EPHA3: variants seen among roughly 807,000 people sequenced by gnomAD.
The protein encoded by EPHA3 is ephrin type-A receptor 3.
In EPHA3, 42 loss-of-function variants were observed where a neutral mutation model predicts 107.1. The ratio of observed to expected loss-of-function variants is 0.39; its 90% CI spans 0.31 to 0.51. The LOEUF is 0.51. EPHA3 is among the 20% of genes least tolerant of loss of function. EPHA3 has a pLI of 0.78. For synonymous variants in EPHA3, 461 were observed against 424.8 expected (o/e 1.09, Z -1.05); for missense variants, 1,183 against 1,211.2 (o/e 0.98, Z 0.35).
chr3:89,355,835 A>G (rs992325925), intron 5 of EPHA3, among the ~76,000 whole-genome samples: 6 of 147,958 alleles, frequency 4.1e-5, no homozygotes, highest in African/African-American at 1.5e-4. Flanking sequence ...TATATTTTTT[A>G]TTTTATTATT....
chr3:89,317,387 C>A (rs1338908172), intron 3 of EPHA3, among the ~76,000 whole-genome samples: 1 of 151,704 alleles, frequency 6.6e-6, no homozygotes, highest in Non-Finnish European at 1.5e-5. Flanking sequence ...TGGCCCTGCA[C>A]TGCCAATAGG....
intron 3 of EPHA3, among the ~76,000 whole-genome samples, chr3:89,290,103 G>A (rs1706177003): frequency 6.6e-6 from 1 of 152,238 alleles, no homozygotes. Context: ...TTGTTGGACG[G>A]TTCTTCTGTT....
At chr3:89,242,348 AAGT>A (rs1704917776) in intron 3 of EPHA3, among the ~76,000 whole-genome samples, 1 of 152,234 alleles carries the variant, frequency 6.6e-6, no homozygotes, top group South Asian at 2.1e-4. Flanking sequence ...GAATGACTGT[AAGT>A]TTCAGTGTGA....
At chr3:89,340,575 A>C (rs1012377875) in intron 3 of EPHA3, among the ~76,000 whole-genome samples, 4 of 152,336 alleles carry the variant, frequency 2.6e-5, no homozygotes, top group African/African-American at 7.2e-5. Context: ...ATGTTTTAAA[A>C]AGGGAATTAC....
intron 3 of EPHA3, among the ~76,000 whole-genome samples, chr3:89,327,854 T>C (rs1707200916): frequency 6.6e-6 from 1 of 152,014 alleles, no homozygotes; most frequent in South Asian, 2.1e-4. Flanking sequence ...CTCAAAGAAC[T>C]TGGGAGGCTG....
chr3:89,173,338 C>T (rs2107102379), intron 2 of EPHA3, among the ~76,000 whole-genome samples: 1 of 152,124 alleles, frequency 6.6e-6, no homozygotes, highest in African/African-American at 2.4e-5. Flanking sequence ...GCCAAAAATG[C>T]ATTTTATATA....
At chr3:89,466,505 C>A (rs1434629423) in intron 15 of EPHA3, among the ~76,000 whole-genome samples, 1 of 133,846 alleles carries the variant, frequency 7.5e-6, no homozygotes, top group African/African-American at 2.9e-5. Context: ...TAGGACCCTC[C>A]GAGCCAGGTG....
chr3:89,477,983 A>C (rs566971123), intron 16 of EPHA3, among the ~76,000 whole-genome samples: 1 of 152,318 alleles, frequency 6.6e-6, no homozygotes, highest in South Asian at 2.1e-4. Context: ...GAAAGTGCAG[A>C]TACAAGTACA....
chr3:89,394,042 T>C (rs529553292), intron 5 of EPHA3, among the ~76,000 whole-genome samples: 156 of 152,286 alleles, frequency 1.0e-3, no homozygotes, highest in Middle Eastern at 6.8e-3. Context: ...TAATTCCTAA[T>C]GGGAGCAAAA....
At chr3:89,332,678 G>A in intron 3 of EPHA3, among the ~76,000 whole-genome samples, 1 of 152,108 alleles carries the variant, frequency 6.6e-6, no homozygotes, top group African/African-American at 2.4e-5. Flanking sequence ...ACCTTGTACA[G>A]GCAAATAGAC....
intron 15 of EPHA3, among the ~76,000 whole-genome samples, chr3:89,455,623 C>T (rs904169230): frequency 2.0e-5 from 3 of 152,170 alleles, no homozygotes; most frequent in Non-Finnish European, 4.4e-5. Flanking sequence ...GTCATTTTAA[C>T]CTTTCGACTT....
At chr3:89,249,157 T>G (rs553762208) in intron 3 of EPHA3, among the ~76,000 whole-genome samples, 31 of 152,296 alleles carry the variant, frequency 2.0e-4, no homozygotes, top group African/African-American at 7.2e-4. Context: ...CCTATTGCCT[T>G]TGCCATGGAG....
intron 3 of EPHA3, among the ~76,000 whole-genome samples, chr3:89,265,056 T>C (rs1440798055): frequency 6.6e-6 from 1 of 152,174 alleles, no homozygotes; most frequent in South Asian, 2.1e-4. Context: ...TTTTAACATA[T>C]CCTTTGGAAA....
chr3:89,215,316 T>C (rs957671751), intron 3 of EPHA3, among the ~76,000 whole-genome samples: 3 of 151,898 alleles, frequency 2.0e-5, no homozygotes, highest in African/African-American at 7.2e-5. Flanking sequence ...ATCTAAAAAG[T>C]AGTTAAAGTA....
intron 2 of EPHA3, among the ~76,000 whole-genome samples, chr3:89,156,409 T>C (rs1704807466): frequency 6.6e-6 from 1 of 152,102 alleles, no homozygotes. Context: ...GCTCTTATTT[T>C]TAACTGCTCT....
chr3:89,246,071 A>G (rs1452695605), intron 3 of EPHA3, among the ~76,000 whole-genome samples: 2 of 152,122 alleles, frequency 1.3e-5, no homozygotes, highest in Non-Finnish European at 2.9e-5. Context: ...CGCTCAATTT[A>G]AACAATAGGA....
chr3:89,291,656 G>T (rs933539131), intron 3 of EPHA3, among the ~76,000 whole-genome samples: 3 of 152,124 alleles, frequency 2.0e-5, no homozygotes, highest in Admixed American at 6.6e-5. Flanking sequence ...TAAAACTGAA[G>T]ACTTACTATT....
At chr3:89,207,520 C>CT (rs1301223106) in intron 2 of EPHA3, among the ~76,000 whole-genome samples, 3 of 151,910 alleles carry the variant, frequency 2.0e-5, no homozygotes, top group Non-Finnish European at 4.4e-5. Flanking sequence ...ATTTTTTATT[C>CT]TTTTTTTAAA....
chr3:89,362,740 G>C (rs1559665021), intron 5 of EPHA3, among the ~76,000 whole-genome samples: 1 of 150,942 alleles, frequency 6.6e-6, no homozygotes, highest in Non-Finnish European at 1.5e-5. Flanking sequence ...GGGATGAGTG[G>C]CAGGAAAGGC....
Sources: allele counts gnomAD v4.1 joint callset (sites outside exome capture counted in the v4.1 genomes callset), GRCh38; gene constraint gnomAD v4.1.1; transcripts MANE v1.5; gene names NCBI Gene and HGNC (gene_info 2026-07-23, HGNC 2026-07-21).